The following ITPR1 variants were observed in gnomAD, a reference collection of about 807,000 sequenced individuals.
ITPR1 encodes the protein inositol 1,4,5-trisphosphate-gated calcium channel ITPR1.
In ITPR1, 96 loss-of-function variants were observed where a neutral mutation model predicts 318.4. That is an observed-to-expected ratio of 0.30 (90% CI 0.26 to 0.36). The LOEUF is 0.36. ITPR1 is among the 10% of genes least tolerant of loss of function. ITPR1 has a pLI of 1.00. For synonymous variants in ITPR1, 1,312 were observed against 1,289.9 expected (o/e 1.02, Z -0.37); for missense variants, 2,440 against 3,460.2 (o/e 0.71, Z 7.40).
intron 4 of ITPR1, among the ~76,000 whole-genome samples, chr3:4,618,832 C>T (rs2092486051): frequency 6.6e-6 from 1 of 152,208 alleles, no homozygotes; most frequent in African/African-American, 2.4e-5. Flanking sequence ...GGATGACTAG[C>T]ATTAAGCATA....
At chr3:4,741,230 A>G (rs907222873) in intron 44 of ITPR1, among the ~76,000 whole-genome samples, 29 of 152,122 alleles carry the variant, frequency 1.9e-4, no homozygotes, top group African/African-American at 6.8e-4. Context: ...TTTTAAGCCA[A>G]TACAGATGTT....
chr3:4,816,268 A>G (rs369728652), intron 59 of ITPR1: 1 of 152,268 alleles, frequency 6.6e-6, no homozygotes, highest in African/African-American at 2.4e-5. Flanking sequence ...CTCCGCTGAC[A>G]CTGTTGAAGA....
intron 4 of ITPR1, among the ~76,000 whole-genome samples, chr3:4,607,156 C>T (rs2091760933): frequency 6.6e-6 from 1 of 152,122 alleles, no homozygotes; most frequent in Admixed American, 6.5e-5. Context: ...TGACTTGAGT[C>T]CTAGAACCTT....
chr3:4,700,137 A>G lies in ITPR1; in HGVS notation c.4536+196A>G, dbSNP rs9311395. Among the ~76,000 whole-genome samples, 67,784 of 152,000 alleles carry G rather than the reference A, an allele frequency of 0.45. 16,306 individuals are homozygous for G. The highest frequency in any genetic ancestry group is 0.56 in the Non-Finnish European group (37,953 of 67,966). ...TACCTGGGGATATTTTCTTATACTG[A>G]ATGGTTCTGTTAACTGTTGATTTTC... On this transcript the variant is annotated intron_variant, in intron 35 of 61. Transcript: ENST00000649015.
At chr3:4,608,055 G>A (rs1427880030) in intron 4 of ITPR1, among the ~76,000 whole-genome samples, 3 of 152,110 alleles carry the variant, frequency 2.0e-5, no homozygotes, top group Admixed American at 1.3e-4. Flanking sequence ...GTCTCCCAAA[G>A]TTAGCTTTGC....
chr3:4,741,723 T>C (rs11714054), intron 44 of ITPR1, among the ~76,000 whole-genome samples: 32,049 of 152,142 alleles, frequency 0.21, 3,653 homozygotes, highest in Non-Finnish European at 0.26. Flanking sequence ...GATTTGCCTC[T>C]GCTGGAAATG....
In ITPR1 at chr3:4,673,002, A is replaced by G. The variant is rs2094118234; in HGVS notation, c.2205-134A>G. The G allele has an allele frequency of 5.6e-6, 5 of 892,266 alleles. No individual in the cohort carries two copies. In the East Asian group the frequency reaches 1.1e-4, roughly 19 times the overall value. The allele number at this position is 892,266 out of a possible 1,614,324, so 55.3% of individuals were successfully genotyped here. On this transcript the variant is annotated intron_variant, in intron 20 of 61. Transcript: ENST00000649015. Reference sequence around the variant, plus strand: ...GCCAAAATCCTGGTATACAAGAGCAATTTAGGGGTGTTGATGTATGAGTTT... The same window carrying G: ...GCCAAAATCCTGGTATACAAGAGCAGTTTAGGGGTGTTGATGTATGAGTTT...
chr3:4,668,641 T>A (rs112104206), intron 18 of ITPR1, among the ~76,000 whole-genome samples: 1 of 152,128 alleles, frequency 6.6e-6, no homozygotes, highest in African/African-American at 2.4e-5. Flanking sequence ...CTAATTTTTG[T>A]GTTTTTAATA....
chr3:4,566,610 A>G (rs991092292), intron 4 of ITPR1, among the ~76,000 whole-genome samples: 115 of 124,436 alleles, frequency 9.2e-4, no homozygotes, highest in Middle Eastern at 8.6e-3. Context: ...ACATGCACAC[A>G]CACACACACA....
rs141519515 is a variant in ITPR1, at chr3:4,670,939, C to G, written c.2204+13C>G. ...TCAGCTACTACAGGTGCGTGGGACA[C>G]GTGTGGGGCTCAGATTGGGGTGCCC... On this transcript the variant is annotated intron_variant, in intron 20 of 61. Transcript: ENST00000649015. The G allele has an allele frequency of 1.3e-6, 2 of 1,521,054 alleles. No homozygotes were observed. The highest frequency in any genetic ancestry group is 1.8e-6 in the Non-Finnish European group (2 of 1,134,404). 94.2% of individuals were successfully genotyped at this position (1,521,054 alleles called of 1,614,324 possible).
At chr3:4,719,016 T>A (rs570748723) in intron 40 of ITPR1, among the ~76,000 whole-genome samples, 1 of 152,178 alleles carries the variant, frequency 6.6e-6, no homozygotes, top group South Asian at 2.1e-4. Flanking sequence ...CTAATCAGAG[T>A]CTGTGGTGTT....
intron 39 of ITPR1, among the ~76,000 whole-genome samples, chr3:4,716,097 C>G (rs767012286): frequency 9.9e-5 from 15 of 152,050 alleles, no homozygotes; most frequent in Non-Finnish European, 1.8e-4. Flanking sequence ...GTCTTTTGGT[C>G]CTGTGTATTC....
rs1170557752 is a variant in ITPR1, at chr3:4,778,018, C to G, written c.6291+644C>G. Among the ~76,000 whole-genome samples, 4 of 152,190 alleles carry G rather than the reference C, an allele frequency of 2.6e-5. No individual in the cohort carries two copies. In the South Asian group the frequency reaches 6.2e-4, roughly 24 times the overall value. ...TGGAAGCCCCACTGACATTTGGACT[C>G]TCTATTACTCAAACAGCTTAACGGA... On this transcript the variant is annotated intron_variant, in intron 48 of 61. Coordinates refer to ENST00000649015, the MANE Select transcript of ITPR1 (RefSeq NM_001378452.1).
rs78336681 is a variant in ITPR1 at position 4,812,103 on chromosome 3, G to A, written c.7468+643G>A. Among the ~76,000 whole-genome samples, 546 of 148,156 alleles carry A rather than the reference G, an allele frequency of 3.7e-3. 7 individuals are homozygous for A. The highest frequency in any genetic ancestry group is 0.013 in the African/African-American group (519 of 40,118). On this transcript the variant is annotated intron_variant, in intron 56 of 61. Coordinates refer to ENST00000649015, the MANE Select transcript of ITPR1 (RefSeq NM_001378452.1). Reference sequence around the variant, plus strand: ...CTCCCAGGCTGATGTGCAGTGGTATGATTTCACCTCACTGCAACCTCCAAC... The same window carrying A: ...CTCCCAGGCTGATGTGCAGTGGTATAATTTCACCTCACTGCAACCTCCAAC...
At chr3:4,551,060 C>T (rs942802384) in intron 4 of ITPR1, among the ~76,000 whole-genome samples, 2 of 152,184 alleles carry the variant, frequency 1.3e-5, no homozygotes, top group Non-Finnish European at 1.5e-5. Context: ...GCAGATGTAG[C>T]TGAAGTGCTC....
chr3:4,664,787 C>T (rs1308019424), intron 16 of ITPR1, among the ~76,000 whole-genome samples: 1 of 152,166 alleles, frequency 6.6e-6, no homozygotes, highest in Non-Finnish European at 1.5e-5. Context: ...TTCCATTTTG[C>T]TGGTAAGGAA....
At chr3:4,698,154 C>T (rs1037294125) in intron 34 of ITPR1, among the ~76,000 whole-genome samples, 3 of 152,114 alleles carry the variant, frequency 2.0e-5, no homozygotes, top group African/African-American at 4.8e-5. Flanking sequence ...TGGAATTTGG[C>T]AAGCAGATAG....
intron 4 of ITPR1, among the ~76,000 whole-genome samples, chr3:4,589,175 T>C (rs1171563210): frequency 6.6e-6 from 1 of 152,084 alleles, no homozygotes; most frequent in Non-Finnish European, 1.5e-5. Flanking sequence ...TCAAAAAAAA[T>C]ACACACATAT....
At chr3:4,717,545 C>T (rs1358471184) in intron 40 of ITPR1, 146 bp downstream of exon 40, 4 of 737,648 alleles carry the variant, frequency 5.4e-6, no homozygotes. Context: ...TGAGTGGAGT[C>T]TGTCGTGTCT....
Sources: gnomAD v4.1 joint callset for allele counts (sites outside exome capture counted in the v4.1 genomes callset) on GRCh38, gnomAD v4.1.1 for gene constraint, MANE v1.5 for transcripts, NCBI Gene and HGNC (gene_info 2026-07-23, HGNC 2026-07-21) for gene names.